Variants in PAFAH1B2 observed in about 807,000 individuals in gnomAD.
PAFAH1B2 encodes the protein platelet activating factor acetylhydrolase 1b catalytic subunit 2.
Under a neutral mutation model 28.0 loss-of-function variants are expected in PAFAH1B2, and 8 were observed. That is an observed-to-expected ratio of 0.29 (90% CI 0.17 to 0.52). The LOEUF is 0.52. Ranked by LOEUF, PAFAH1B2 falls within the 20% of genes least tolerant of loss-of-function variation. The probability of loss-of-function intolerance (pLI) is 0.97; values close to 1 mark genes in which losing one functional copy is unlikely to be tolerated. For synonymous variants in PAFAH1B2, 104 were observed against 103.2 expected, an observed-to-expected ratio of 1.01 and a Z score of -0.05; for missense variants, 190 against 282.6, an observed-to-expected ratio of 0.67 and a Z score of 2.35.
chr11:117,148,056 CTTTTTTT>C lies in PAFAH1B2; in HGVS notation c.-8+3646_-8+3652del, dbSNP rs201878667. Among the ~76,000 whole-genome samples, 6 of 129,580 alleles carry C rather than the reference CTTTTTTT, an allele frequency of 4.6e-5. No individual in the cohort carries two copies. In the East Asian group the frequency reaches 1.3e-3, roughly 28 times the overall value. 85.0% of individuals were successfully genotyped at this position (129,580 alleles called of 152,430 possible). A position where few individuals can be genotyped will look rare whatever the true frequency, so the allele number is the denominator to read the frequency against. Reference sequence around the variant, plus strand: ...AATTTATCTTTTTTCTTTTTTTTTTCTTTTTTTTTTTTTTAGATGGAGTCTTGCTCTG... The same window carrying C: ...AATTTATCTTTTTTCTTTTTTTTTTCTTTTTTTAGATGGAGTCTTGCTCTG... On this transcript the variant is annotated intron_variant, in intron 1 of 5. Coordinates refer to ENST00000527958, the MANE Select transcript of PAFAH1B2 (RefSeq NM_002572.4).
intron 2 of PAFAH1B2, among the ~76,000 whole-genome samples, chr11:117,154,883 C>T (rs1956226905): frequency 6.6e-6 from 1 of 152,166 alleles, no homozygotes; most frequent in Admixed American, 6.6e-5. Flanking sequence ...TAAATGATTG[C>T]TGTAGCTGGT....
At position 117,161,800 on chromosome 11, in the gene PAFAH1B2, C is replaced by T. The variant is rs893484095; in HGVS notation, c.288+539C>T. On this transcript the variant is annotated intron_variant, in intron 4 of 5. Transcript: ENST00000527958. The stretch of plus-strand genomic sequence containing the variant: ...GGAGAATTACAAGCATGAGCCACCG[C>T]GCCTGGCTGAAGGAAGAGATTTGAT... Among the ~76,000 whole-genome samples, 13 of 152,152 alleles carry T rather than the reference C, an allele frequency of 8.5e-5. No individual in the cohort carries two copies. In the East Asian group the frequency reaches 2.5e-3, roughly 29 times the overall value.
In PAFAH1B2 at chr11:117,170,713, A is replaced by C; in HGVS notation, c.*3014A>C. ...TTTACAATTGTATGCTAAAGCCTGA[A>C]ATATTGTCTGTGCTGTGGTGTATGA... On this transcript the variant is annotated 3_prime_UTR_variant, in exon 6 of 6. Transcript: ENST00000527958. 2 of 1,061,236 alleles carry C rather than the reference A, an allele frequency of 1.9e-6. No individual in the cohort carries two copies. The highest frequency in any genetic ancestry group is 2.3e-6 in the Non-Finnish European group (2 of 876,768). 65.7% of individuals were successfully genotyped at this position (1,061,236 alleles called of 1,614,324 possible).
At chr11:117,154,249 AAGCTG>A (rs1956216031) in intron 2 of PAFAH1B2, among the ~76,000 whole-genome samples, 1 of 152,154 alleles carries the variant, frequency 6.6e-6, no homozygotes, top group Non-Finnish European at 1.5e-5. Context: ...GCACTTTGGG[AAGCTG>A]AGGCAGGTGA....
At chr11:117,171,822 T>TGAGGTGAACAGTGATAAA, downstream of PAFAH1B2, 2 of 1,168,020 alleles carry the variant, frequency 1.7e-6, no homozygotes, top group Non-Finnish European at 1.2e-6. Flanking sequence ...GCTTTATCAC[T>TGAGGTGAACAGTGATAAA]GTTCACCTCA....
At chr11:117,145,227 C>G (rs1955970839) in intron 1 of PAFAH1B2, among the ~76,000 whole-genome samples, 1 of 152,194 alleles carries the variant, frequency 6.6e-6, no homozygotes, top group Non-Finnish European at 1.5e-5. Context: ...TCCGTGCCTT[C>G]TGGTCTACAG....
intron 2 of PAFAH1B2, 196 bp from the exon 3 acceptor site, chr11:117,159,738 A>G (rs996695518): frequency 1.6e-5 from 6 of 364,040 alleles, no homozygotes; most frequent in Non-Finnish European, 3.0e-5. Context: ...CTGTCTTAGA[A>G]AAAAAAAAAA....
At chr11:117,172,126 G>A (rs1956662092), downstream of PAFAH1B2, among the ~76,000 whole-genome samples, 1 of 151,952 alleles carries the variant, frequency 6.6e-6, no homozygotes, top group African/African-American at 2.4e-5. Context: ...GAAAGAAAAA[G>A]CTCCCTCACC....
Position 117,167,962 on chromosome 11 carries a change from A to C in PAFAH1B2, c.*263A>C, listed in dbSNP as rs1282242956. 1 of 1,109,246 alleles carries C rather than the reference A, an allele frequency of 9.0e-7. No homozygotes were observed. Among genetic ancestry groups the C allele is most frequent in the Non-Finnish European group, 1.1e-6 (1 of 908,882 alleles). The allele number at this position is 1,109,246 out of a possible 1,614,324, so 68.7% of individuals were successfully genotyped here. ...GGGACTTTTTAGTTGTATGTGTAAC[A>C]CATTCATTGAATTATTATCACTGTT... On this transcript the variant is annotated 3_prime_UTR_variant, in exon 6 of 6. Transcript: ENST00000527958.
Position 117,170,375 on chromosome 11 carries a change from G to A in PAFAH1B2, c.*2676G>A, listed in dbSNP as rs1361706407. ...CTATACTAGATGGCAGCCAGTGATG[G>A]AACTATAAAGATGTCTGTGGTCATA... On this transcript the variant is annotated 3_prime_UTR_variant, in exon 6 of 6. Transcript: ENST00000527958. The A allele has an allele frequency of 9.4e-7, 1 of 1,058,584 alleles. No homozygotes were observed. Among genetic ancestry groups the A allele is most frequent in the Admixed American group, 5.6e-5 (1 of 17,952 alleles). The allele number at this position is 1,058,584 out of a possible 1,614,324, so 65.6% of individuals were successfully genotyped here.
At chr11:117,174,939 C>T (rs1003854807), downstream of PAFAH1B2, 9 of 1,520,578 alleles carry the variant, frequency 5.9e-6, no homozygotes, top group Admixed American at 6.2e-5. Flanking sequence ...TTAACAATAC[C>T]CCTGAGCCAC....
At chr11:117,177,317 T>C (rs1440297424), downstream of PAFAH1B2, among the ~76,000 whole-genome samples, 1 of 152,034 alleles carries the variant, frequency 6.6e-6, no homozygotes, top group Non-Finnish European at 1.5e-5. Context: ...CACAATCCAT[T>C]ATTTTTTATT....
rs148069709 is a variant in PAFAH1B2 at position 117,157,872 on chromosome 11, T to G, written c.82-2062T>G. 2.2e-3 allele frequency among the ~76,000 whole-genome samples: 330 copies of G among 152,282 alleles called. 1 individual carries two copies. The highest frequency in any genetic ancestry group is 7.3e-3 in the African/African-American group (303 of 41,560). On this transcript the variant is annotated intron_variant, in intron 2 of 5. Coordinates refer to ENST00000527958, the MANE Select transcript of PAFAH1B2 (RefSeq NM_002572.4). ...GTTTAAACTGGTCTGGCACGGTAGT[T>G]CACGCCTGTAATCCCAGCACTTTTG...
At chr11:117,164,638 A>G (rs1052974896) in intron 5 of PAFAH1B2, among the ~76,000 whole-genome samples, 1 of 152,216 alleles carries the variant, frequency 6.6e-6, no homozygotes, top group Non-Finnish European at 1.5e-5. Context: ...GAAAATGGAT[A>G]CTTTATAGTT....
chr11:117,161,478 G>A (rs1406417377), intron 4 of PAFAH1B2, among the ~76,000 whole-genome samples: 1 of 150,866 alleles, frequency 6.6e-6, no homozygotes, highest in Non-Finnish European at 1.5e-5. Context: ...TGTATTTATA[G>A]TTGTTATAAT....
downstream of PAFAH1B2, among the ~76,000 whole-genome samples, chr11:117,173,601 G>A (rs551650405): frequency 6.6e-6 from 1 of 152,304 alleles, no homozygotes; most frequent in African/African-American, 2.4e-5. Context: ...CAGGGCAACA[G>A]GCCTGAGCCA....
At chr11:117,156,586 T>C (rs1303246541) in intron 2 of PAFAH1B2, among the ~76,000 whole-genome samples, 1 of 152,210 alleles carries the variant, frequency 6.6e-6, no homozygotes, top group African/African-American at 2.4e-5. Context: ...GGTGGTAGGA[T>C]TATAGATGTG....
downstream of PAFAH1B2, chr11:117,175,956 G>A (rs1370329633): frequency 2.0e-6 from 3 of 1,529,730 alleles, no homozygotes; most frequent in East Asian, 7.3e-5. Flanking sequence ...AAGTCCAGAT[G>A]GACTGAGGAA....
chr11:117,174,857 C>A, downstream of PAFAH1B2: 1 of 1,380,528 alleles, frequency 7.2e-7, no homozygotes, highest in Non-Finnish European at 9.8e-7. Context: ...TCAGATGATC[C>A]AACCGCCTTG....
Sources: gnomAD v4.1 joint callset for allele counts (sites outside exome capture counted in the v4.1 genomes callset) on GRCh38, gnomAD v4.1.1 for gene constraint, MANE v1.5 for transcripts, NCBI Gene and HGNC (gene_info 2026-07-23, HGNC 2026-07-21) for gene names.